SOX6: variants seen among roughly 807,000 people sequenced by gnomAD.
SOX6 encodes the protein transcription factor SOX-6.
Under a neutral mutation model 97.8 loss-of-function variants are expected in SOX6, and 11 were observed. The ratio of observed to expected loss-of-function variants is 0.11; its 90% CI spans 0.07 to 0.19. SOX6 has a LOEUF of 0.19. SOX6 is among the 10% of genes least tolerant of loss of function. The pLI is 1.00. For missense variants in SOX6, 810 were observed against 1,039.5 expected (o/e 0.78, Z 3.04); for synonymous variants, 360 against 371.4 (o/e 0.97, Z 0.35).
Position 16,389,887 on chromosome 11 carries a change from G to A in SOX6, c.-4-48635C>T, listed in dbSNP as rs183878954. ...CGGGAGGCTGAGGCAGGAGAATGGC[G>A]TGAACCCAGGAGGTGGAGCTTGCAG... is the stretch of plus-strand genomic sequence containing the variant. On this transcript the variant is annotated intron_variant, in intron 1 of 15. Coordinates refer to the SOX6 transcript ENST00000396356. Among the ~76,000 whole-genome samples, 590 of 146,238 alleles carry A rather than the reference G, an allele frequency of 4.0e-3. 1 individual carries two copies. Among genetic ancestry groups the A allele is most frequent in the Admixed American group, 5.6e-3 (78 of 13,934 alleles).
At chr11:16,234,725 A>T (rs1158782314) in intron 3 of SOX6, 54 bp from the exon 4 acceptor site, 1 of 1,085,958 alleles carries the variant, frequency 9.2e-7, no homozygotes, top group African/African-American at 1.6e-5. Context: ...CAAATTTAGA[A>T]AGTCAGTTTA....
chr11:16,235,171 A>G (rs10766309), intron 3 of SOX6, among the ~76,000 whole-genome samples: 118,099 of 151,810 alleles, frequency 0.78, 46,085 homozygotes, highest in Middle Eastern at 0.8. Context: ...TATCCAATTA[A>G]AGCAAAACAA....
chr11:16,491,919 G>A (rs1188042855), intron 4 of SOX6, among the ~76,000 whole-genome samples: 1 of 151,846 alleles, frequency 6.6e-6, no homozygotes, highest in African/African-American at 2.4e-5. Context: ...AAGTACTAGG[G>A]GTTCTATGGA....
At chr11:16,363,050 T>C (rs757518028) in intron 1 of SOX6, among the ~76,000 whole-genome samples, 13 of 152,186 alleles carry the variant, frequency 8.5e-5, no homozygotes, top group Non-Finnish European at 1.3e-4. Context: ...TTGACACTGT[T>C]CTAGCTTCTG....
At position 16,425,026 on chromosome 11, in the gene SOX6, G is replaced by A. The variant is rs1216351194; in HGVS notation, c.-5+51289C>T. On this transcript the variant is annotated intron_variant, in intron 1 of 15. Coordinates refer to the SOX6 transcript ENST00000396356. ...CCAGGTTCTAGTGAAAGCTACTATG[G>A]AAGTTAGCCACTCAACTTTAGAACC... Among the ~76,000 whole-genome samples, 3 of 152,224 alleles carry A rather than the reference G, an allele frequency of 2.0e-5. No individual in the cohort carries two copies. The East Asian group carries it at 5.8e-4, about 29-fold the overall frequency.
chr11:16,067,268 T>C (rs1411024266), intron 9 of SOX6, among the ~76,000 whole-genome samples: 3 of 152,150 alleles, frequency 2.0e-5, no homozygotes, highest in Non-Finnish European at 4.4e-5. Flanking sequence ...TATGGTTTTG[T>C]TGTGTCCCCA....
chr11:16,277,037 T>C lies in SOX6; in HGVS notation c.445+41409A>G, dbSNP rs146494435. On this transcript the variant is annotated intron_variant, in intron 3 of 15. Transcript: ENST00000683767. ...CCATGCCTAGCACCAAAGAACACTTTAGTGGGAGAAGCTATATATGTTAAA... is the reference window on the plus strand; with the variant it reads ...CCATGCCTAGCACCAAAGAACACTTCAGTGGGAGAAGCTATATATGTTAAA... 1.1e-3 allele frequency among the ~76,000 whole-genome samples: 160 copies of C among 152,282 alleles called. 2 individuals are homozygous for C. In the East Asian group the frequency reaches 0.022, roughly 21 times the overall value.
At chr11:16,582,965 T>A (rs187992663) in intron 4 of SOX6, among the ~76,000 whole-genome samples, 1 of 152,026 alleles carries the variant, frequency 6.6e-6, no homozygotes, top group African/African-American at 2.4e-5. Context: ...GACGCTACTA[T>A]CAAAACCCTT....
chr11:16,453,843 C>A (rs1359392376), intron 1 of SOX6, among the ~76,000 whole-genome samples: 2 of 152,098 alleles, frequency 1.3e-5, no homozygotes, highest in Admixed American at 6.6e-5. Context: ...TGATTAAATG[C>A]ATCTGATAAC....
chr11:16,694,213 C>T (rs1035331999), intron 3 of SOX6, among the ~76,000 whole-genome samples: 1 of 152,094 alleles, frequency 6.6e-6, no homozygotes, highest in African/African-American at 2.4e-5. Context: ...AAATAAAATG[C>T]ATGCCAATCC....
intron 3 of SOX6, among the ~76,000 whole-genome samples, chr11:16,239,312 C>T (rs1225637357): frequency 1.3e-5 from 2 of 151,936 alleles, no homozygotes; most frequent in African/African-American, 2.4e-5. Context: ...TCTCTCTCTC[C>T]CCCTCTCCCT....
chr11:16,472,279 A>G (rs1472588143), intron 1 of SOX6, among the ~76,000 whole-genome samples: 1 of 152,232 alleles, frequency 6.6e-6, no homozygotes, highest in Non-Finnish European at 1.5e-5. Context: ...GCGAATGACT[A>G]AATAATATGA....
intron 1 of SOX6, among the ~76,000 whole-genome samples, chr11:16,388,373 TTTTC>T (rs779419419): frequency 2.8e-4 from 42 of 152,236 alleles, no homozygotes; most frequent in Admixed American, 8.5e-4. Flanking sequence ...GGTCTATAAT[TTTTC>T]TTTCTTATAA....
At chr11:16,494,883 C>T (rs190008712) in intron 4 of SOX6, among the ~76,000 whole-genome samples, 15 of 152,256 alleles carry the variant, frequency 9.9e-5, no homozygotes, top group African/African-American at 3.1e-4. Flanking sequence ...CAGGAGACCA[C>T]GTAACAATAT....
intron 3 of SOX6, among the ~76,000 whole-genome samples, chr11:16,690,708 C>G (rs1348385569): frequency 6.6e-6 from 1 of 152,192 alleles, no homozygotes; most frequent in Non-Finnish European, 1.5e-5. Flanking sequence ...CATTGCTGGC[C>G]ATTTCCAAGT....
chr11:16,465,484 A>G (rs1860012509), intron 1 of SOX6, among the ~76,000 whole-genome samples: 1 of 152,160 alleles, frequency 6.6e-6, no homozygotes, highest in Admixed American at 6.5e-5. Context: ...GGATTTCTTC[A>G]TTTTGTTCAG....
intron 3 of SOX6, among the ~76,000 whole-genome samples, chr11:16,707,688 T>C (rs1287497989): frequency 6.6e-6 from 1 of 152,204 alleles, no homozygotes; most frequent in East Asian, 1.9e-4. Flanking sequence ...TGATGCAGTC[T>C]ATTCAAATGT....
At chr11:16,349,835 A>T (rs952983245) in intron 1 of SOX6, among the ~76,000 whole-genome samples, 1 of 152,054 alleles carries the variant, frequency 6.6e-6, no homozygotes, top group African/African-American at 2.4e-5. Flanking sequence ...TTCCATTTTT[A>T]CCATATGCCT....
chr11:16,521,322 C>T (rs1024894998), intron 4 of SOX6, among the ~76,000 whole-genome samples: 2 of 152,118 alleles, frequency 1.3e-5, no homozygotes, highest in African/African-American at 4.8e-5. Context: ...TCGCGATTCA[C>T]GAAAATCCAC....
Sources: gnomAD v4.1 joint callset for allele counts (sites outside exome capture counted in the v4.1 genomes callset) on GRCh38, gnomAD v4.1.1 for gene constraint, MANE v1.5 for transcripts, NCBI Gene and HGNC (gene_info 2026-07-23, HGNC 2026-07-21) for gene names.